Variants in TDRD5 observed in about 807,000 individuals in gnomAD.
The protein encoded by TDRD5 is tudor domain containing 5.
In TDRD5, 41 loss-of-function variants were observed where a neutral mutation model predicts 120.6. The ratio of observed to expected loss-of-function variants is 0.34; its 90% CI spans 0.26 to 0.44. TDRD5 has a LOEUF of 0.44. Ranked by LOEUF, TDRD5 falls within the 20% of genes least tolerant of loss-of-function variation. TDRD5 has a pLI of 1.00. For missense variants in TDRD5, 1,006 were observed against 1,221.2 expected (o/e 0.82, Z 2.63); for synonymous variants, 430 against 433.7 (o/e 0.99, Z 0.11).
At chr1:179,614,312 A>G (rs1348602655) in intron 4 of TDRD5, among the ~76,000 whole-genome samples, 1 of 152,160 alleles carries the variant, frequency 6.6e-6, no homozygotes, top group Non-Finnish European at 1.5e-5. Flanking sequence ...GATGGTATCA[A>G]TGTGCCATGA....
intron 17 of TDRD5, among the ~76,000 whole-genome samples, chr1:179,672,257 C>T (rs535201651): frequency 4.9e-4 from 75 of 152,128 alleles, no homozygotes; most frequent in African/African-American, 1.5e-3. Flanking sequence ...CCCTTTCCAC[C>T]GCATGCATGC....
At position 179,593,701 on chromosome 1, in the gene TDRD5, C is replaced by T. The variant is rs746245973; in HGVS notation, c.474C>T (p.Ala158=). The T allele has an allele frequency of 2.5e-6, 4 of 1,614,210 alleles. No individual in the cohort carries two copies. The highest frequency in any genetic ancestry group is 3.4e-6 in the Non-Finnish European group (4 of 1,180,046). The change falls in exon 3 of 18, where the codon GCC becomes GCT. Residue 158 remains alanine, a synonymous_variant. Coordinates refer to ENST00000444136, the MANE Select transcript of TDRD5 (RefSeq NM_001199085.3). ...TTTCTGATTTTGAAAAGGCATTTGC[C>T]AAAAGATTTGGACGATCATTCCAAT... ...VLLSDFEKAF[A]KRFGRSFQYM...
chr1:179,677,641 A>G (rs999239145), intron 17 of TDRD5, among the ~76,000 whole-genome samples: 1 of 152,140 alleles, frequency 6.6e-6, no homozygotes, highest in Non-Finnish European at 1.5e-5. Flanking sequence ...TTAGCCAGTA[A>G]GTGGAGCTAC....
At chr1:179,611,232 G>T (rs1282423067) in intron 4 of TDRD5, among the ~76,000 whole-genome samples, 2 of 151,702 alleles carry the variant, frequency 1.3e-5, no homozygotes, top group African/African-American at 4.8e-5. Context: ...GGTATTTTTT[G>T]GTAGAGATGG....
intron 9 of TDRD5, among the ~76,000 whole-genome samples, chr1:179,639,127 A>G (rs962842587): frequency 6.6e-6 from 1 of 152,266 alleles, no homozygotes; most frequent in Non-Finnish European, 1.5e-5. Context: ...TGGGTGAGAC[A>G]GTATATAGCA....
In TDRD5 at chr1:179,690,763, A is replaced by G. The variant is rs1471883300; in HGVS notation, c.2928A>G (p.Lys976=). Residue 976 remains lysine (K), a synonymous_variant, in exon 18 of 18, where the codon AAA becomes AAG. Transcript: ENST00000444136. ...GCAGCCGTGCTATTACATTGTACAA[A>G]GACAAGCGTCAAGAATCTGTAGACC... The part of the protein sequence containing the change: ...FSSSRAITLY[K]DKRQESVDQL... The G allele has an allele frequency of 6.2e-7, 1 of 1,614,112 alleles. No homozygotes were observed. The highest frequency in any genetic ancestry group is 8.5e-7 in the Non-Finnish European group (1 of 1,180,048).
chr1:179,686,018 AC>A (rs1296705968), intron 17 of TDRD5, among the ~76,000 whole-genome samples: 2 of 152,050 alleles, frequency 1.3e-5, no homozygotes, highest in Non-Finnish European at 2.9e-5. Context: ...TCTTTTCCTA[AC>A]TGAATACCCT....
At chr1:179,654,618 A>T (rs1678899985) in intron 14 of TDRD5, among the ~76,000 whole-genome samples, 1 of 152,074 alleles carries the variant, frequency 6.6e-6, no homozygotes, top group South Asian at 2.1e-4. Context: ...TACCAAAAAA[A>T]ATTAGCCAGC....
intron 12 of TDRD5, 133 bp downstream of exon 12, chr1:179,651,200 T>C: frequency 1.0e-6 from 1 of 967,422 alleles, no homozygotes; most frequent in Non-Finnish European, 1.5e-6. Context: ...ATTCCTGGCT[T>C]TTTAATGCAG....
chr1:179,627,194 C>T (rs551165010), intron 6 of TDRD5, among the ~76,000 whole-genome samples: 2 of 152,152 alleles, frequency 1.3e-5, no homozygotes, highest in Admixed American at 1.3e-4. Context: ...CAAGCTATTA[C>T]CACCATGCAA....
chr1:179,606,077 G>C (rs1321833468), intron 4 of TDRD5, among the ~76,000 whole-genome samples: 1 of 151,890 alleles, frequency 6.6e-6, no homozygotes, highest in Non-Finnish European at 1.5e-5. Context: ...GAATGTTTCT[G>C]TTGTTCCCCA....
chr1:179,634,043 T>C (rs1259842068), intron 7 of TDRD5, among the ~76,000 whole-genome samples: 1 of 151,154 alleles, frequency 6.6e-6, no homozygotes, highest in Non-Finnish European at 1.5e-5. Context: ...TGGTGGCGGG[T>C]GCCTGTAGTC....
chr1:179,687,639 G>T (rs569068618), intron 17 of TDRD5, among the ~76,000 whole-genome samples: 200 of 152,222 alleles, frequency 1.3e-3, no homozygotes, highest in Non-Finnish European at 2.0e-3. Context: ...TGTTGACAGT[G>T]GGGTGTTAAA....
Position 179,593,529 on chromosome 1 carries a change from G to A in TDRD5, c.302G>A (p.Arg101Gln), listed in dbSNP as rs1016919339. 21 of 1,614,170 alleles carry A rather than the reference G, an allele frequency of 1.3e-5. No individual in the cohort carries two copies. Among genetic ancestry groups the A allele is most frequent in the Non-Finnish European group, 1.8e-5 (21 of 1,180,032 alleles). The change falls in exon 3 of 18, where the codon CGA (arginine) becomes CAA (glutamine). Residue 101 changes from arginine to glutamine, a missense_variant. By Grantham distance (43) the Arg-to-Gln change is conservative. This residue lies in a region of TDRD5 where 445 missense variants were observed against 515.5 expected (regional missense o/e 0.86). Transcript: ENST00000444136. The part of the protein sequence containing the change: ...VAKQRSSHKL[R>Q]NSMHKGRPSI... ...AAACAGAGGAGCAGCCATAAGCTTCGAAACTCAATGCATAAGGGAAGACCT... is the reference window on the plus strand; with the variant it reads ...AAACAGAGGAGCAGCCATAAGCTTCAAAACTCAATGCATAAGGGAAGACCT...
chr1:179,689,600 G>T (rs1405223850), intron 17 of TDRD5, among the ~76,000 whole-genome samples: 1 of 152,202 alleles, frequency 6.6e-6, no homozygotes, highest in Non-Finnish European at 1.5e-5. Context: ...GGACGTTTAA[G>T]TCTGCAGAAG....
At chr1:179,680,760 T>C (rs750509955) in intron 17 of TDRD5, among the ~76,000 whole-genome samples, 3 of 152,112 alleles carry the variant, frequency 2.0e-5, no homozygotes, top group Non-Finnish European at 4.4e-5. Context: ...CCCCAGGAGT[T>C]TGAGATCTGC....
chr1:179,661,113 T>C (rs1172129611), intron 14 of TDRD5, among the ~76,000 whole-genome samples: 1 of 152,208 alleles, frequency 6.6e-6, no homozygotes, highest in Non-Finnish European at 1.5e-5. Context: ...GATAGTTCTT[T>C]GTCTTTAGTT....
rs759507889 is a variant in TDRD5, at chr1:179,640,099, C to T, written c.1733+48C>T. On this transcript the variant is annotated intron_variant, in intron 10 of 17. Transcript: ENST00000444136. Reference sequence around the variant, plus strand: ...AATGGATGAATTAAATTTTGAATCACAGTGTTGAAGCTCTGTGGGGTTGGG... The same window carrying T: ...AATGGATGAATTAAATTTTGAATCATAGTGTTGAAGCTCTGTGGGGTTGGG... 15 of 1,589,758 alleles carry T rather than the reference C, an allele frequency of 9.4e-6. No individual in the cohort carries two copies. The African/African-American group carries it at 2.0e-4, about 21-fold the overall frequency.
chr1:179,608,630 T>C (rs979374689), intron 4 of TDRD5, among the ~76,000 whole-genome samples: 2 of 152,192 alleles, frequency 1.3e-5, no homozygotes, highest in Non-Finnish European at 2.9e-5. Context: ...ACTCATTTCT[T>C]CTATTCATTA....
Sources: allele counts gnomAD v4.1 joint callset (sites outside exome capture counted in the v4.1 genomes callset), GRCh38; gene constraint gnomAD v4.1.1; regional missense constraint gnomAD v4.1.1; transcripts MANE v1.5; gene names NCBI Gene and HGNC (gene_info 2026-07-23, HGNC 2026-07-21).